PPFIBP2: variants seen among roughly 807,000 people sequenced by gnomAD.
PPFIBP2 encodes PPFIB scaffold protein 2.
PPFIBP2 carries 118 observed loss-of-function variants against 118.3 expected under a neutral mutation model. That is an observed-to-expected ratio of 1.00 (90% confidence interval 0.86 to 1.16). The LOEUF (loss-of-function observed/expected upper bound fraction) is 1.16, where lower values mean the gene tolerates loss of function less well. Among genes scored for constraint, PPFIBP2 ranks in the 50% most tolerant of loss-of-function variants. The probability of loss-of-function intolerance (pLI) is 0.00; values close to 1 mark genes in which losing one functional copy is unlikely to be tolerated. For synonymous variants in PPFIBP2, 414 were observed against 397.4 expected (o/e 1.04, Z -0.50); for missense variants, 1,195 against 1,073.1 (o/e 1.11, Z -1.59).
chr11:7,648,455 T>G lies in PPFIBP2; in HGVS notation c.1715T>G (p.Leu572Arg). Residue 572 changes from leucine (L) to arginine (R), a missense_variant, in exon 18 of 24, where the codon CTG becomes CGG. Coordinates refer to ENST00000299492, the MANE Select transcript of PPFIBP2 (RefSeq NM_003621.5). Reference protein sequence around the residue: ...RVCAWLEDFGLAQYVIFARQW... With the variant: ...RVCAWLEDFGRAQYVIFARQW... ...TGTGCATGGCTGGAGGACTTTGGCC[T>G]GGCTCAGTATGTGATCTTTGCCAGG... The G allele has an allele frequency of 2.5e-6, 4 of 1,614,156 alleles. No individual in the cohort carries two copies. The South Asian group carries it at 4.4e-5, about 18-fold the overall frequency.
intron 1 of PPFIBP2, among the ~76,000 whole-genome samples, chr11:7,537,995 C>G (rs10839799): frequency 0.26 from 39,256 of 152,016 alleles, 5,628 homozygotes; most frequent in African/African-American, 0.39. Flanking sequence ...GAGAGGGGAA[C>G]AAAGGCAGAA....
chr11:7,601,414 G>T (rs1429697935), intron 5 of PPFIBP2, among the ~76,000 whole-genome samples: 6 of 152,184 alleles, frequency 3.9e-5, no homozygotes, highest in Non-Finnish European at 8.8e-5. Flanking sequence ...TAATGTTTCT[G>T]TTTTGCAGCC....
At chr11:7,634,573 T>C in intron 13 of PPFIBP2, 21 bp downstream of exon 13, 3 of 1,601,462 alleles carry the variant, frequency 1.9e-6, no homozygotes, top group Non-Finnish European at 2.6e-6. Context: ...CAACCTATCC[T>C]TAAAGATGAC....
chr11:7,587,017 T>C (rs1190390705), intron 3 of PPFIBP2, among the ~76,000 whole-genome samples: 1 of 152,254 alleles, frequency 6.6e-6, no homozygotes, highest in African/African-American at 2.4e-5. Flanking sequence ...CTTGTTTTGT[T>C]TGAACTTACT....
chr11:7,655,186 G>T (rs1349011325), downstream of PPFIBP2, among the ~76,000 whole-genome samples: 1 of 152,190 alleles, frequency 6.6e-6, no homozygotes, highest in African/African-American at 2.4e-5. Context: ...CTGAATGCCA[G>T]TTCCCAGTGG....
chr11:7,624,138 G>A (rs1036637871), intron 7 of PPFIBP2, among the ~76,000 whole-genome samples: 4 of 152,162 alleles, frequency 2.6e-5, no homozygotes, highest in Non-Finnish European at 5.9e-5. Flanking sequence ...GTGGGCTGAG[G>A]GAGCCCAAGC....
chr11:7,535,801 C>A (rs1366297119), intron 1 of PPFIBP2, among the ~76,000 whole-genome samples: 1 of 152,014 alleles, frequency 6.6e-6, no homozygotes, highest in Non-Finnish European at 1.5e-5. Context: ...ACAGTCTGGG[C>A]AGTAGGAGTG....
At chr11:7,568,602 C>T (rs1410818161) in intron 3 of PPFIBP2, among the ~76,000 whole-genome samples, 1 of 152,150 alleles carries the variant, frequency 6.6e-6, no homozygotes, top group African/African-American at 2.4e-5. Flanking sequence ...CTTCCACCTG[C>T]CATAGAGGGA....
chr11:7,551,565 A>C (rs546449331), intron 2 of PPFIBP2, among the ~76,000 whole-genome samples: 78 of 152,246 alleles, frequency 5.1e-4, no homozygotes, highest in African/African-American at 1.8e-3. Context: ...TTTGTTCTTC[A>C]GTGTTGTGTT....
intron 14 of PPFIBP2, among the ~76,000 whole-genome samples, chr11:7,636,418 ATTCC>A (rs1490336654): frequency 6.6e-6 from 1 of 152,140 alleles, no homozygotes; most frequent in Non-Finnish European, 1.5e-5. Flanking sequence ...GTGGGCAGCC[ATTCC>A]TTGGGCCATC....
At position 7,631,008 on chromosome 11, in the gene PPFIBP2, G is replaced by A. The variant is rs760617929; in HGVS notation, c.1048G>A (p.Glu350Lys). Residue 350 changes from glutamate (E) to lysine (K), a missense_variant, in exon 11 of 24, where the codon GAA becomes AAA. Glu to Lys is a moderately conservative substitution (Grantham distance 56). Transcript: ENST00000299492. ...SKWNATNKDP[E>K]ELFKQEMPPR... ...GTGGAACGCTACAAATAAGGACCCT[G>A]AAGAATTATTTAAACAAGAGGTACT... 16 of 1,613,476 alleles carry A rather than the reference G, an allele frequency of 9.9e-6. No homozygotes were observed. In the East Asian group the frequency reaches 3.6e-4, roughly 36 times the overall value.
chr11:7,520,119 G>C (rs761080181), intron 1 of PPFIBP2, among the ~76,000 whole-genome samples: 8 of 152,180 alleles, frequency 5.3e-5, no homozygotes, highest in African/African-American at 1.9e-4. Context: ...CAGACAACAC[G>C]AGGCGGTATG....
chr11:7,520,970 G>A (rs576914243), intron 1 of PPFIBP2, among the ~76,000 whole-genome samples: 1 of 152,264 alleles, frequency 6.6e-6, no homozygotes, highest in African/African-American at 2.4e-5. Flanking sequence ...TCACTCATCT[G>A]GTAAATAAGC....
At chr11:7,650,586 G>A (rs935686639) in intron 21 of PPFIBP2, among the ~76,000 whole-genome samples, 20 of 152,172 alleles carry the variant, frequency 1.3e-4, no homozygotes, top group African/African-American at 4.1e-4. Flanking sequence ...AAAGTTAGCT[G>A]GAAAATGATG....
chr11:7,627,164 C>T (rs1850129963), intron 8 of PPFIBP2, among the ~76,000 whole-genome samples: 1 of 152,218 alleles, frequency 6.6e-6, no homozygotes, highest in African/African-American at 2.4e-5. Flanking sequence ...TTACTGGGTA[C>T]TTTCTAGAGC....
At chr11:7,527,320 G>A (rs989042977) in intron 1 of PPFIBP2, among the ~76,000 whole-genome samples, 4 of 152,020 alleles carry the variant, frequency 2.6e-5, no homozygotes, top group African/African-American at 9.7e-5. Context: ...GGTCTGGGTG[G>A]CAGGGAAGGA....
At chr11:7,644,960 G>A (rs1254492918) in intron 17 of PPFIBP2, among the ~76,000 whole-genome samples, 1 of 147,126 alleles carries the variant, frequency 6.8e-6, no homozygotes, top group African/African-American at 2.5e-5. Flanking sequence ...CCGGGAGGCG[G>A]AGCTTGCAGT....
At chr11:7,532,945 C>G (rs1451523207) in intron 1 of PPFIBP2, among the ~76,000 whole-genome samples, 1 of 152,174 alleles carries the variant, frequency 6.6e-6, no homozygotes, top group Non-Finnish European at 1.5e-5. Flanking sequence ...CCTCAGCAGG[C>G]AGCCAGGGAG....
At position 7,597,557 on chromosome 11, in the gene PPFIBP2, C is replaced by T. The variant is rs775621073; in HGVS notation, c.373-3C>T. 20 of 1,612,100 alleles carry T rather than the reference C, an allele frequency of 1.2e-5. No individual in the cohort carries two copies. Among genetic ancestry groups the T allele is most frequent in the Admixed American group, 3.3e-5 (2 of 59,880 alleles). ...TCCACCATTGCTTTATTTCCTGGAA[C>T]AGGTGAGTGTCCTCACAGACCAAGT... is the stretch of plus-strand genomic sequence containing the variant. On this transcript the variant is annotated splice_region_variant and splice_polypyrimidine_tract_variant and intron_variant, in intron 4 of 23. Coordinates refer to ENST00000299492, the MANE Select transcript of PPFIBP2 (RefSeq NM_003621.5).
Sources: gnomAD v4.1 joint callset for allele counts (sites outside exome capture counted in the v4.1 genomes callset) on GRCh38, gnomAD v4.1.1 for gene constraint, MANE v1.5 for transcripts, NCBI Gene and HGNC (gene_info 2026-07-23, HGNC 2026-07-21) for gene names.